GRM8: variants seen among roughly 807,000 people sequenced by gnomAD.
GRM8 encodes the protein glutamate metabotropic receptor 8.
Under a neutral mutation model 87.2 loss-of-function variants are expected in GRM8, and 47 were observed. The ratio of observed to expected loss-of-function variants is 0.54; its 90% CI spans 0.43 to 0.69. The LOEUF is 0.69. Among genes scored for constraint, GRM8 ranks in the 30% least tolerant of loss-of-function variants. GRM8 has a pLI of 0.00. For missense variants in GRM8, 1,019 were observed against 1,139.2 expected (o/e 0.89, Z 1.52); for synonymous variants, 396 against 404.5 (o/e 0.98, Z 0.25).
intron 8 of GRM8, among the ~76,000 whole-genome samples, chr7:126,545,255 C>T (rs1817017924): frequency 6.6e-6 from 1 of 152,112 alleles, no homozygotes; most frequent in Non-Finnish European, 1.5e-5. Flanking sequence ...GATGTAATAA[C>T]CTTATTATAA....
At chr7:126,639,292 G>A (rs1274655805) in intron 7 of GRM8, among the ~76,000 whole-genome samples, 1 of 152,086 alleles carries the variant, frequency 6.6e-6, no homozygotes, top group South Asian at 2.1e-4. Flanking sequence ...AATTGTAAGA[G>A]GTAAGGATGT....
intron 6 of GRM8, among the ~76,000 whole-genome samples, chr7:126,834,964 T>C (rs571995257): frequency 9.3e-5 from 14 of 151,344 alleles, no homozygotes; most frequent in Non-Finnish European, 1.9e-4. Context: ...TATTCCCAGC[T>C]ATTTGGGAGG....
intron 6 of GRM8, among the ~76,000 whole-genome samples, chr7:126,830,386 G>T (rs1795244000): frequency 2.6e-5 from 4 of 152,136 alleles, no homozygotes; most frequent in African/African-American, 9.7e-5. Flanking sequence ...ATATTTCGTG[G>T]AGGCTTTGTT....
intron 7 of GRM8, among the ~76,000 whole-genome samples, chr7:126,647,630 G>A (rs1389785921): frequency 6.6e-6 from 1 of 151,996 alleles, no homozygotes; most frequent in African/African-American, 2.4e-5. Context: ...TTAGCATATG[G>A]AAACACCATC....
At chr7:126,649,808 G>T (rs193205480) in intron 7 of GRM8, among the ~76,000 whole-genome samples, 2 of 152,198 alleles carry the variant, frequency 1.3e-5, no homozygotes, top group African/African-American at 4.8e-5. Context: ...TCCAGAACAG[G>T]AGAAGGCTCT....
chr7:127,081,675 G>C (rs1336281496), intron 3 of GRM8, among the ~76,000 whole-genome samples: 3 of 152,198 alleles, frequency 2.0e-5, no homozygotes, highest in Non-Finnish European at 2.9e-5. Context: ...GAATGAGAGA[G>C]TGTGAGTCTG....
At chr7:126,628,373 T>C (rs1331346982) in intron 7 of GRM8, among the ~76,000 whole-genome samples, 2 of 152,182 alleles carry the variant, frequency 1.3e-5, no homozygotes, top group Non-Finnish European at 2.9e-5. Context: ...TGCCTGCAAA[T>C]GTTTGAGTAA....
At chr7:127,181,070 G>T (rs1794408583) in intron 2 of GRM8, among the ~76,000 whole-genome samples, 1 of 151,970 alleles carries the variant, frequency 6.6e-6, no homozygotes. Flanking sequence ...GTTTGCTGAT[G>T]ATATGATCAT....
At chr7:126,725,036 A>G (rs1447753289) in intron 7 of GRM8, among the ~76,000 whole-genome samples, 2 of 152,206 alleles carry the variant, frequency 1.3e-5, no homozygotes, top group African/African-American at 2.4e-5. Flanking sequence ...GATGACAAGA[A>G]CAGATGTTTG....
chr7:126,709,451 G>C lies in GRM8; in HGVS notation c.1357+60414C>G, dbSNP rs569279184. On this transcript the variant is annotated intron_variant, in intron 7 of 10. Transcript: ENST00000339582. ...GGAGGAGGAGGAGGAGGAAGAAGAG[G>C]AAGAAGAGGACGAAAAAGAGGAAGA... is the stretch of plus-strand genomic sequence containing the variant. 2.0e-5 allele frequency among the ~76,000 whole-genome samples: 3 copies of C among 151,670 alleles called. No homozygotes were observed. The South Asian group carries it at 6.3e-4, about 32-fold the overall frequency.
chr7:126,655,483 C>CTCTCT (rs964261862), intron 7 of GRM8, among the ~76,000 whole-genome samples: 3 of 151,994 alleles, frequency 2.0e-5, no homozygotes, highest in African/African-American at 7.2e-5. Flanking sequence ...CTCTCTCTCT[C>CTCTCT]TCTCTCTCTG....
chr7:126,655,551 A>G (rs968146827), intron 7 of GRM8, among the ~76,000 whole-genome samples: 1 of 152,098 alleles, frequency 6.6e-6, no homozygotes, highest in African/African-American at 2.4e-5. Flanking sequence ...ACGGACTAAT[A>G]AATCATCCTT....
chr7:126,798,767 A>G lies in GRM8; in HGVS notation c.1157-28702T>C, dbSNP rs1822287160. ...TGCTGCTCCTGACACATCACTGAGGACAGATGACTGGCATTTGCACAGGAG... is the reference window on the plus strand; with the variant it reads ...TGCTGCTCCTGACACATCACTGAGGGCAGATGACTGGCATTTGCACAGGAG... On this transcript the variant is annotated intron_variant, in intron 6 of 10. Coordinates refer to ENST00000339582, the MANE Select transcript of GRM8 (RefSeq NM_000845.3). Among the ~76,000 whole-genome samples, 3 of 152,140 alleles carry G rather than the reference A, an allele frequency of 2.0e-5. No individual in the cohort carries two copies. In the South Asian group the frequency reaches 6.2e-4, roughly 32 times the overall value.
intron 9 of GRM8, among the ~76,000 whole-genome samples, chr7:126,477,639 A>G (rs186874884): frequency 1.1e-3 from 159 of 144,294 alleles, no homozygotes; most frequent in African/African-American, 1.4e-3. Context: ...AAGAAAGAAA[A>G]AACGAAAGAG....
intron 3 of GRM8, among the ~76,000 whole-genome samples, chr7:126,984,150 T>C (rs1182291980): frequency 6.6e-6 from 1 of 152,232 alleles, no homozygotes; most frequent in Non-Finnish European, 1.5e-5. Flanking sequence ...GATTGGTGTG[T>C]TTCCAGTTGC....
chr7:126,504,561 C>T (rs1486288298), intron 9 of GRM8, among the ~76,000 whole-genome samples: 2 of 151,884 alleles, frequency 1.3e-5, no homozygotes, highest in Non-Finnish European at 2.9e-5. Context: ...ATGCCTATTA[C>T]CTGAGTGGTG....
At chr7:126,667,776 T>A (rs572898491) in intron 7 of GRM8, among the ~76,000 whole-genome samples, 11 of 152,292 alleles carry the variant, frequency 7.2e-5, no homozygotes, top group African/African-American at 2.4e-4. Flanking sequence ...TGGGGAGACT[T>A]CGTGGCACAA....
chr7:126,917,613 A>T (rs1366942526), intron 3 of GRM8, among the ~76,000 whole-genome samples: 2 of 152,192 alleles, frequency 1.3e-5, no homozygotes, highest in Admixed American at 6.6e-5. Context: ...TGTCCCCAAG[A>T]TCACACAGCT....
intron 6 of GRM8, among the ~76,000 whole-genome samples, chr7:126,879,222 T>C (rs890174924): frequency 6.6e-6 from 1 of 151,422 alleles, no homozygotes; most frequent in Non-Finnish European, 1.5e-5. Context: ...ATGATGAGGC[T>C]TAATGGTTTA....
Sources: gnomAD v4.1 joint callset for allele counts (sites outside exome capture counted in the v4.1 genomes callset) on GRCh38, gnomAD v4.1.1 for gene constraint, MANE v1.5 for transcripts, NCBI Gene and HGNC (gene_info 2026-07-23, HGNC 2026-07-21) for gene names.